ACTR2: variants seen among roughly 807,000 people sequenced by gnomAD.
The protein encoded by ACTR2 is actin-related protein 2.
Under a neutral mutation model 50.2 loss-of-function variants are expected in ACTR2, and 5 were observed. The ratio of observed to expected loss-of-function variants is 0.10; its 90% CI spans 0.05 to 0.21. The LOEUF (loss-of-function observed/expected upper bound fraction) is 0.21. Among genes scored for constraint, ACTR2 ranks in the 10% least tolerant of loss-of-function variants. The probability of loss-of-function intolerance (pLI) is 1.00; values close to 1 mark genes in which losing one functional copy is unlikely to be tolerated. For missense variants in ACTR2, 180 were observed against 480.6 expected, an observed-to-expected ratio of 0.37 and a Z score of 5.85; for synonymous variants, 140 against 162.9, an observed-to-expected ratio of 0.86 and a Z score of 1.07.
chr2:65,252,042 A>C (rs759437186), intron 4 of ACTR2, among the ~76,000 whole-genome samples: 3 of 152,102 alleles, frequency 2.0e-5, no homozygotes, highest in Non-Finnish European at 4.4e-5. Flanking sequence ...CCAGTGGGAA[A>C]AGAGTGTGGC....
At chr2:65,253,896 A>G in intron 5 of ACTR2, 32 bp downstream of exon 5, 1 of 1,587,522 alleles carries the variant, frequency 6.3e-7, no homozygotes, top group Non-Finnish European at 8.6e-7. Context: ...TGGAAATTAA[A>G]TTTTGTAATT....
At position 65,234,295 on chromosome 2, in the gene ACTR2, T is replaced by C. The variant is rs546748727; in HGVS notation, c.49-5557T>C. Reference sequence around the variant, plus strand: ...AATAGTGCAATTTTTGCTATCTTGATGGATGAATATATACCCTGTATGAAA... The same window carrying C: ...AATAGTGCAATTTTTGCTATCTTGACGGATGAATATATACCCTGTATGAAA... On this transcript the variant is annotated intron_variant, in intron 1 of 8. Transcript: ENST00000260641. Among the ~76,000 whole-genome samples, 4 of 152,368 alleles carry C rather than the reference T, an allele frequency of 2.6e-5. No individual in the cohort carries two copies. The East Asian group carries it at 7.7e-4, about 29-fold the overall frequency.
intron 8 of ACTR2, among the ~76,000 whole-genome samples, chr2:65,267,890 T>C (rs1334556443): frequency 9.0e-6 from 1 of 111,714 alleles, no homozygotes; most frequent in East Asian, 4.0e-4. Flanking sequence ...TTTTTTTTTT[T>C]GAGATTGAGT....
At position 65,270,165 on chromosome 2, in the gene ACTR2, A is replaced by G. The variant is rs1309161084; in HGVS notation, c.*1431A>G. On this transcript the variant is annotated 3_prime_UTR_variant, in exon 9 of 9. Transcript: ENST00000260641. The stretch of plus-strand genomic sequence containing the variant: ...TGCATCACACTAATTACAAAATACA[A>G]GTTCTGGAAAAAATATTTTTCTTCA... 6.6e-6 allele frequency: 1 copy of G among 151,676 alleles called. No homozygotes were observed. The highest frequency in any genetic ancestry group is 2.4e-5 in the African/African-American group (1 of 41,262). The allele number at this position is 151,676 out of a possible 1,614,324, so 9.4% of individuals were successfully genotyped here.
chr2:65,236,505 G>T (rs758383329), intron 1 of ACTR2, among the ~76,000 whole-genome samples: 1 of 152,036 alleles, frequency 6.6e-6, no homozygotes, highest in Non-Finnish European at 1.5e-5. Flanking sequence ...AAGTTTTACC[G>T]CATTAAACAA....
chr2:65,228,747 G>A (rs547515437), intron 1 of ACTR2, among the ~76,000 whole-genome samples: 2 of 152,152 alleles, frequency 1.3e-5, no homozygotes, highest in African/African-American at 4.8e-5. Flanking sequence ...TACAGGTAAT[G>A]TTAGCCTTTA....
chr2:65,267,897 G>A (rs1197855473), intron 8 of ACTR2, among the ~76,000 whole-genome samples: 2 of 45,912 alleles, frequency 4.4e-5, no homozygotes, highest in Non-Finnish European at 9.5e-5. Context: ...TTTTGAGATT[G>A]AGTCTCTGGG....
At chr2:65,231,641 C>T (rs1027089080) in intron 1 of ACTR2, among the ~76,000 whole-genome samples, 24 of 151,816 alleles carry the variant, frequency 1.6e-4, no homozygotes, top group Non-Finnish European at 1.5e-5. Flanking sequence ...TTGAGACTAG[C>T]CTGGGTTAGT....
rs548579046 is a variant in ACTR2 at position 65,227,862 on chromosome 2, C to T, written c.-48C>T. ...GGAAGAAGAGAAAACGGCCGGGCGG[C>T]GGTGGCTGTAGGTTGTGCGGCTGCA... is the stretch of plus-strand genomic sequence containing the variant. On this transcript the variant is annotated 5_prime_UTR_variant, in exon 1 of 9. Coordinates refer to ENST00000260641, the MANE Select transcript of ACTR2 (RefSeq NM_005722.4). 2.6e-5 allele frequency: 39 copies of T among 1,488,914 alleles called. No homozygotes were observed. Among genetic ancestry groups the T allele is most frequent in the Admixed American group, 2.4e-4 (10 of 42,140 alleles). The allele number at this position is 1,488,914 out of a possible 1,614,324, so 92.2% of individuals were successfully genotyped here.
chr2:65,255,679 A>G lies in ACTR2; in HGVS notation c.720A>G (p.Leu240=). ...AACTGGCCTTAGAAACCACAGTATT[A>G]GTTGAATCTTATACAGTAAGTGTTT... is the stretch of plus-strand genomic sequence containing the variant. The part of the protein sequence containing the change: ...EQKLALETTV[L]VESYTLPDGR... The change falls in exon 6 of 9, where the codon TTA becomes TTG. Residue 240 remains leucine (L), a synonymous_variant. Transcript: ENST00000260641. 1.2e-6 allele frequency: 2 copies of G among 1,613,796 alleles called. No homozygotes were observed. Among genetic ancestry groups the G allele is most frequent in the Non-Finnish European group, 1.7e-6 (2 of 1,179,740 alleles).
chr2:65,228,028 T>C (rs1364249172), intron 1 of ACTR2, 71 bp downstream of exon 1: 1 of 1,419,282 alleles, frequency 7.0e-7, no homozygotes, highest in Non-Finnish European at 9.3e-7. Context: ...GCACGGGCCC[T>C]CGGCCCCCAG....
At chr2:65,263,537 G>A (rs1672316751) in intron 7 of ACTR2, among the ~76,000 whole-genome samples, 1 of 152,128 alleles carries the variant, frequency 6.6e-6, no homozygotes, top group Non-Finnish European at 1.5e-5. Context: ...GAGTTAAATA[G>A]CCACCTAATT....
At chr2:65,233,152 G>A (rs148340581) in intron 1 of ACTR2, among the ~76,000 whole-genome samples, 1,613 of 151,910 alleles carry the variant, frequency 0.011, 32 homozygotes, top group African/African-American at 0.037. Context: ...GCACCACCAC[G>A]CCAGGCTAAT....
intron 2 of ACTR2, among the ~76,000 whole-genome samples, chr2:65,245,840 A>G (rs73936444): frequency 0.016 from 2,401 of 152,246 alleles, 61 homozygotes; most frequent in African/African-American, 0.055. Context: ...ATACTTTAAG[A>G]TTGAAAATGT....
At chr2:65,230,805 G>A (rs1671622733) in intron 1 of ACTR2, among the ~76,000 whole-genome samples, 1 of 152,094 alleles carries the variant, frequency 6.6e-6, no homozygotes, top group African/African-American at 2.4e-5. Flanking sequence ...TGTAATCCCA[G>A]CACTTTGGGA....
chr2:65,229,648 C>T lies in ACTR2; in HGVS notation c.48+1691C>T, dbSNP rs190720268. 1.9e-4 allele frequency among the ~76,000 whole-genome samples: 28 copies of T among 147,422 alleles called. 1 individual carries two copies. The East Asian group carries it at 5.5e-3, about 29-fold the overall frequency. On this transcript the variant is annotated intron_variant, in intron 1 of 8. Transcript: ENST00000260641. Reference sequence around the variant, plus strand: ...GTGGGCGTCTGTAATCCCAGCTACTCGGTAGGCTGAGGCAGGAGAATCGCT... The same window carrying T: ...GTGGGCGTCTGTAATCCCAGCTACTTGGTAGGCTGAGGCAGGAGAATCGCT...
chr2:65,268,396 G>A (rs2104028370), intron 8 of ACTR2, among the ~76,000 whole-genome samples, 168 bp from the exon 9 acceptor site: 1 of 149,936 alleles, frequency 6.7e-6, no homozygotes, highest in Non-Finnish European at 1.5e-5. Context: ...CATGAGCTTT[G>A]GGCAAATTAC....
chr2:65,246,685 C>A lies in ACTR2; in HGVS notation c.321C>A (p.Ile107=). Residue 107 remains isoleucine (I), a synonymous_variant, in exon 3 of 9, where the codon ATC becomes ATA. Transcript: ENST00000260641. ...ATATAGATACCAGAAATTGTAAAAT[C>A]TTACTCACAGAACCTCCTATGAACC... is the stretch of plus-strand genomic sequence containing the variant. The part of the protein sequence containing the change: ...KLNIDTRNCK[I]LLTEPPMNPT... The A allele has an allele frequency of 1.9e-6, 3 of 1,613,480 alleles. No individual in the cohort carries two copies. Among genetic ancestry groups the A allele is most frequent in the Non-Finnish European group, 2.5e-6 (3 of 1,179,778 alleles).
intron 6 of ACTR2, among the ~76,000 whole-genome samples, chr2:65,260,873 G>A (rs1262452876): frequency 6.6e-6 from 1 of 151,672 alleles, no homozygotes; most frequent in East Asian, 1.9e-4. Context: ...TGGGACTATA[G>A]GCGCCCGCCA....
Sources: gnomAD v4.1 joint callset for allele counts (sites outside exome capture counted in the v4.1 genomes callset) on GRCh38, gnomAD v4.1.1 for gene constraint, MANE v1.5 for transcripts, NCBI Gene and HGNC (gene_info 2026-07-23, HGNC 2026-07-21) for gene names.